The following ZBTB40 variants were observed in gnomAD, a reference collection of about 807,000 sequenced individuals.
ZBTB40 encodes zinc finger and BTB domain-containing protein 40.
ZBTB40 carries 60 observed loss-of-function variants against 117.5 expected under a neutral mutation model. That is an observed-to-expected ratio of 0.51 (90% CI 0.41 to 0.63). The LOEUF is 0.63. Ranked by LOEUF, ZBTB40 falls within the 30% of genes least tolerant of loss-of-function variation. The pLI, the probability that ZBTB40 is intolerant of heterozygous loss-of-function variation, is 0.00. For missense variants in ZBTB40, 1,287 were observed against 1,498.5 expected (o/e 0.86, Z 2.33); for synonymous variants, 525 against 577.1 (o/e 0.91, Z 1.29).
chr1:22,453,525 A>G (rs1053628836), intron 1 of ZBTB40, among the ~76,000 whole-genome samples: 15 of 152,352 alleles, frequency 9.8e-5, no homozygotes, highest in African/African-American at 3.4e-4. Context: ...ATACAGCTGT[A>G]ATAGCATCAT....
At position 22,529,821 on chromosome 1, in the gene ZBTB40, C is replaced by T. The variant is rs1257741482; in HGVS notation, c.*3425C>T. 6.6e-6 allele frequency: 1 copy of T among 152,120 alleles called. No individual in the cohort carries two copies. Among genetic ancestry groups the T allele is most frequent in the Non-Finnish European group, 1.5e-5 (1 of 68,032 alleles). The allele number at this position is 152,120 out of a possible 1,614,324, so 9.4% of individuals were successfully genotyped here. On this transcript the variant is annotated 3_prime_UTR_variant, in exon 18 of 18. Transcript: ENST00000375647. Reference sequence around the variant, plus strand: ...CACGGAAGGCATGTCAGCTTCATGCCTCGGGCTAGAGTTCTGATAATCGGG... The same window carrying T: ...CACGGAAGGCATGTCAGCTTCATGCTTCGGGCTAGAGTTCTGATAATCGGG...
chr1:22,512,820 C>T (rs1018458718), intron 11 of ZBTB40, 104 bp from the exon 12 acceptor site: 23 of 1,340,180 alleles, frequency 1.7e-5, no homozygotes, highest in Non-Finnish European at 2.3e-5. Context: ...GCTGTGCTTC[C>T]TCTGGAGGCC....
Position 22,522,432 on chromosome 1 carries a change from G to C in ZBTB40, c.3267G>C (p.Leu1089Phe). Residue 1089 changes from leucine (L) to phenylalanine (F), a missense_variant, in exon 16 of 18, where the codon TTG (leucine) becomes TTC (phenylalanine). Leu to Phe is a conservative substitution (Grantham distance 22). Transcript: ENST00000375647. ...AGGAGCTCTTCCCCACGCCAGCCTT[G>C]CTGCAGGTTCATGTCAAGTGCCAGC... The part of the protein sequence containing the change: ...QCKELFPTPA[L>F]LQVHVKCQHS... The C allele has an allele frequency of 6.2e-7, 1 of 1,614,192 alleles. No individual in the cohort carries two copies. The highest frequency in any genetic ancestry group is 1.6e-4 in the Middle Eastern group (1 of 6,062).
At chr1:22,476,896 G>C (rs755067499) in intron 1 of ZBTB40, among the ~76,000 whole-genome samples, 1 of 152,170 alleles carries the variant, frequency 6.6e-6, no homozygotes, top group Non-Finnish European at 1.5e-5. Context: ...AGGACTTCGA[G>C]ATTCCAACAT....
In ZBTB40 at chr1:22,468,135, T is replaced by C. The variant is rs537798909; in HGVS notation, c.-70+16131T>C. Among the ~76,000 whole-genome samples, 18 of 151,670 alleles carry C rather than the reference T, an allele frequency of 1.2e-4. 1 individual carries two copies. The South Asian group carries it at 3.5e-3, about 30-fold the overall frequency. ...AAGCTAATACTTATTGAGCATTTAC[T>C]GTTGACAGTCACTTTGCTAAAGCAA... On this transcript the variant is annotated intron_variant, in intron 1 of 17. Transcript: ENST00000375647.
At chr1:22,483,148 T>C (rs1248383308) in intron 1 of ZBTB40, among the ~76,000 whole-genome samples, 15 of 152,194 alleles carry the variant, frequency 9.9e-5, no homozygotes, top group Admixed American at 9.8e-4. Flanking sequence ...GTCTCATATC[T>C]TTTTAGCACT....
intron 1 of ZBTB40, among the ~76,000 whole-genome samples, chr1:22,468,430 A>C: frequency 1.7e-5 from 1 of 59,380 alleles, no homozygotes; most frequent in East Asian, 4.2e-4. Flanking sequence ...AATTATCTAT[A>C]TTTTTCTTTT....
At chr1:22,523,797 C>T (rs1482039542) in intron 16 of ZBTB40, among the ~76,000 whole-genome samples, 3 of 152,208 alleles carry the variant, frequency 2.0e-5, no homozygotes, top group Non-Finnish European at 4.4e-5. Flanking sequence ...TGCGCATTGA[C>T]GATTGCACCT....
chr1:22,442,561 A>G (rs931887886), intron 1 of ZBTB40, among the ~76,000 whole-genome samples: 1 of 152,202 alleles, frequency 6.6e-6, no homozygotes, highest in Non-Finnish European at 1.5e-5. Flanking sequence ...TGCTTACAAT[A>G]TAGGAATTTA....
chr1:22,510,877 G>A (rs1639213547), intron 9 of ZBTB40, among the ~76,000 whole-genome samples: 2 of 152,152 alleles, frequency 1.3e-5, no homozygotes. Flanking sequence ...AGGTCTTTGG[G>A]AGACTCCTAG....
chr1:22,442,751 G>C (rs1337735460), intron 1 of ZBTB40, among the ~76,000 whole-genome samples: 1 of 152,180 alleles, frequency 6.6e-6, no homozygotes, highest in African/African-American at 2.4e-5. Flanking sequence ...TCCTGGGGCA[G>C]CTTGTCCCTA....
chr1:22,512,543 A>G (rs1374343964), intron 11 of ZBTB40, among the ~76,000 whole-genome samples: 1 of 152,184 alleles, frequency 6.6e-6, no homozygotes, highest in Non-Finnish European at 1.5e-5. Context: ...CATGGAAATC[A>G]TGGGATGTAC....
chr1:22,508,671 T>C lies in ZBTB40; in HGVS notation c.1639T>C (p.Leu547=). 1.9e-6 allele frequency: 3 copies of C among 1,614,198 alleles called. No homozygotes were observed. The highest frequency in any genetic ancestry group is 2.5e-6 in the Non-Finnish European group (3 of 1,180,032). The part of the protein sequence containing the change: ...LVVQETKTCP[L]DLLMEEIRRE... ...GGTTCAGGAGACAAAGACCTGTCCA[T>C]TGGACCTGCTCATGGAGGAAATACG... The change falls in exon 8 of 18, where the codon TTG becomes CTG. Residue 547 remains leucine (L), a synonymous_variant. Coordinates refer to ENST00000375647, the MANE Select transcript of ZBTB40 (RefSeq NM_014870.4).
intron 1 of ZBTB40, among the ~76,000 whole-genome samples, chr1:22,434,650 T>C (rs1174485640): frequency 6.6e-6 from 1 of 152,190 alleles, no homozygotes; most frequent in Non-Finnish European, 1.5e-5. Context: ...ATTACCCAGT[T>C]ATCCCCAACT....
intron 13 of ZBTB40, chr1:22,519,670 G>A (rs1047187364): frequency 1.9e-5 from 6 of 322,938 alleles, no homozygotes; most frequent in African/African-American, 1.1e-4. Flanking sequence ...GATGCTCTGG[G>A]GAGTGTGCTG....
intron 1 of ZBTB40, among the ~76,000 whole-genome samples, chr1:22,477,776 G>C (rs1372660484): frequency 2.0e-5 from 3 of 152,126 alleles, no homozygotes; most frequent in Non-Finnish European, 4.4e-5. Flanking sequence ...TCAAACTCCT[G>C]ATCTCAAGTG....
intron 1 of ZBTB40, among the ~76,000 whole-genome samples, chr1:22,472,164 A>C (rs1330700205): frequency 6.6e-6 from 1 of 151,036 alleles, no homozygotes; most frequent in African/African-American, 2.4e-5. Flanking sequence ...CTAGATGTCA[A>C]GTAAGCATGT....
rs373539439 is a variant in ZBTB40 at position 22,491,404 on chromosome 1, T to C, written c.702T>C (p.Cys234=). 16 of 1,613,728 alleles carry C rather than the reference T, an allele frequency of 9.9e-6. No individual in the cohort carries two copies. The highest frequency in any genetic ancestry group is 1.4e-5 in the Non-Finnish European group (16 of 1,179,870). The change falls in exon 3 of 18, where the codon TGT becomes TGC. Residue 234 remains cysteine, a synonymous_variant. Coordinates refer to ENST00000375647, the MANE Select transcript of ZBTB40 (RefSeq NM_014870.4). ...EAKKTSTEPG[C]ERKHYQLNFL... ...TTTATTTTGTTCTACATTTAGGATG[T>C]GAAAGGAAACACTACCAGCTGAATT...
Position 22,517,519 on chromosome 1 carries a change from C to T in ZBTB40, c.2833+55C>T, listed in dbSNP as rs1299069285. ...CAGTGCCAGCCTGGCACTGGGAAAG[C>T]GTGTCAATTGCAGCAGAGGTGTCAA... On this transcript the variant is annotated intron_variant, in intron 13 of 17. Coordinates refer to ENST00000375647, the MANE Select transcript of ZBTB40 (RefSeq NM_014870.4). 3.8e-6 allele frequency: 6 copies of T among 1,579,774 alleles called. No homozygotes were observed. The Middle Eastern group carries it at 6.8e-4, about 179-fold the overall frequency.
Sources: allele counts gnomAD v4.1 joint callset (sites outside exome capture counted in the v4.1 genomes callset), GRCh38; gene constraint gnomAD v4.1.1; transcripts MANE v1.5; gene names NCBI Gene and HGNC (gene_info 2026-07-23, HGNC 2026-07-21).